The following MEGF11 variants were observed in gnomAD, a reference collection of about 807,000 sequenced individuals.
The protein encoded by MEGF11 is multiple EGF like domains 11.
A neutral mutation model predicts 146.6 loss-of-function variants in MEGF11; 126 were observed. That is an observed-to-expected ratio of 0.86 (90% confidence interval 0.74 to 1.00). The LOEUF (loss-of-function observed/expected upper bound fraction) is 1.00, where lower values mean the gene tolerates loss of function less well. Among genes scored for constraint, MEGF11 ranks in the 50% least tolerant of loss-of-function variants. The pLI is 0.00. For synonymous variants in MEGF11, 532 were observed against 583.4 expected, an observed-to-expected ratio of 0.91 and a Z score of 1.27; for missense variants, 1,509 against 1,521.2, an observed-to-expected ratio of 0.99 and a Z score of 0.13.
intron 9 of MEGF11, among the ~76,000 whole-genome samples, chr15:65,962,786 G>T (rs1938225864): frequency 6.6e-6 from 1 of 152,150 alleles, no homozygotes; most frequent in African/African-American, 2.4e-5. Context: ...GTGCCCTCAA[G>T]GAGGTGGTGA....
At chr15:65,949,064 G>A (rs928012930) in intron 10 of MEGF11, among the ~76,000 whole-genome samples, 56 of 90,030 alleles carry the variant, frequency 6.2e-4, no homozygotes, top group Non-Finnish European at 1.3e-3. Flanking sequence ...GCTTGATGAA[G>A]AATGAAACAA....
intron 4 of MEGF11, among the ~76,000 whole-genome samples, chr15:66,106,981 G>T (rs1310324004): frequency 2.0e-5 from 3 of 152,030 alleles, no homozygotes; most frequent in African/African-American, 7.3e-5. Context: ...GCCACACAGG[G>T]GACCTCCAGG....
intron 5 of MEGF11, among the ~76,000 whole-genome samples, chr15:66,055,231 G>A (rs746680315): frequency 4.6e-5 from 7 of 152,130 alleles, no homozygotes; most frequent in Non-Finnish European, 1.0e-4. Flanking sequence ...ATTATTTTAC[G>A]AGATGTAATG....
intron 1 of MEGF11, among the ~76,000 whole-genome samples, chr15:66,243,054 C>T (rs551203733): frequency 6.6e-6 from 1 of 152,312 alleles, no homozygotes; most frequent in South Asian, 2.1e-4. Flanking sequence ...TACACACACA[C>T]ACTCAAAAAG....
At chr15:66,033,111 A>G (rs1171142029) in intron 5 of MEGF11, among the ~76,000 whole-genome samples, 8 of 149,540 alleles carry the variant, frequency 5.3e-5, no homozygotes, top group Non-Finnish European at 5.9e-5. Flanking sequence ...AAAAAGAAGC[A>G]GAGAAGAAAT....
At chr15:66,164,043 G>A (rs945369155) in intron 1 of MEGF11, among the ~76,000 whole-genome samples, 2 of 152,138 alleles carry the variant, frequency 1.3e-5, no homozygotes, top group African/African-American at 4.8e-5. Context: ...GTGTTGAGTG[G>A]GCAGATGAGA....
At chr15:66,007,918 C>T (rs2082569623) in intron 5 of MEGF11, among the ~76,000 whole-genome samples, 1 of 152,186 alleles carries the variant, frequency 6.6e-6, no homozygotes, top group African/African-American at 2.4e-5. Flanking sequence ...AAAGAAGCAT[C>T]AATATAAACA....
intron 1 of MEGF11, among the ~76,000 whole-genome samples, chr15:66,213,710 C>A (rs541466218): frequency 6.6e-6 from 1 of 151,878 alleles, no homozygotes; most frequent in Non-Finnish European, 1.5e-5. Flanking sequence ...AGCCACCACA[C>A]CCAGCCTTAA....
At chr15:66,194,860 C>A (rs900477580) in intron 1 of MEGF11, among the ~76,000 whole-genome samples, 2 of 152,054 alleles carry the variant, frequency 1.3e-5, no homozygotes, top group African/African-American at 4.8e-5. Flanking sequence ...AATGTAGTTT[C>A]TAAAAAAAAT....
intron 1 of MEGF11, among the ~76,000 whole-genome samples, chr15:66,147,509 C>T (rs1481018928): frequency 1.3e-5 from 2 of 152,234 alleles, no homozygotes; most frequent in Non-Finnish European, 2.9e-5. Flanking sequence ...AAGGCCATTG[C>T]CACGGTTGCT....
chr15:65,957,193 C>T (rs1404924255), intron 10 of MEGF11, among the ~76,000 whole-genome samples: 2 of 152,192 alleles, frequency 1.3e-5, no homozygotes, highest in African/African-American at 2.4e-5. Context: ...TAAGCAGCAA[C>T]ATAGCAATGT....
intron 10 of MEGF11, among the ~76,000 whole-genome samples, chr15:65,937,610 G>A (rs755665581): frequency 1.3e-5 from 2 of 152,206 alleles, no homozygotes; most frequent in African/African-American, 2.4e-5. Flanking sequence ...GTCACTCTGG[G>A]CTGGTGTCCA....
chr15:66,141,287 TGTGAGA>T (rs1434565760), intron 1 of MEGF11, among the ~76,000 whole-genome samples: 8 of 98,900 alleles, frequency 8.1e-5, no homozygotes, highest in African/African-American at 2.4e-4. Flanking sequence ...TGTGTGTGTG[TGTGAGA>T]GAGAGAGAGA....
chr15:66,023,254 G>T (rs2083223149), intron 5 of MEGF11, among the ~76,000 whole-genome samples: 1 of 152,194 alleles, frequency 6.6e-6, no homozygotes, highest in Non-Finnish European at 1.5e-5. Flanking sequence ...AGTAGCAGCT[G>T]CTTCTTGCTC....
chr15:66,219,118 C>A (rs554269693), intron 1 of MEGF11, among the ~76,000 whole-genome samples: 1 of 151,570 alleles, frequency 6.6e-6, no homozygotes, highest in South Asian at 2.1e-4. Flanking sequence ...ACATGTAAAA[C>A]CTTCTAGAAG....
intron 3 of MEGF11, among the ~76,000 whole-genome samples, chr15:66,122,129 G>A (rs953883317): frequency 3.3e-5 from 5 of 152,108 alleles, no homozygotes; most frequent in Admixed American, 2.6e-4. Flanking sequence ...AGGGTGTGGT[G>A]GTGGGTGCCT....
Position 66,214,030 on chromosome 15 carries a change from C to CTT in MEGF11, c.-9+39573_-9+39574dup, listed in dbSNP as rs11303068. On this transcript the variant is annotated intron_variant, in intron 1 of 25. Transcript: ENST00000395614. The stretch of plus-strand genomic sequence containing the variant: ...AGATATGCCCAAAATGAGCCGGCCA[C>CTT]TTTTTTTTTTTTTTTTTTTTTTGAG... Among the ~76,000 whole-genome samples the CTT allele has an allele frequency of 2.1e-3, 193 of 92,314 alleles. 2 individuals carry two copies. The highest frequency in any genetic ancestry group is 0.019 in the East Asian group (64 of 3,452). The allele number at this position is 92,314 out of a possible 152,430, so 60.6% of individuals were successfully genotyped here.
intron 21 of MEGF11, among the ~76,000 whole-genome samples, chr15:65,911,111 C>T (rs1239972486): frequency 6.6e-6 from 1 of 152,190 alleles, no homozygotes; most frequent in Non-Finnish European, 1.5e-5. Context: ...ATCTTGCCAA[C>T]AGCCAGGGTT....
chr15:66,031,252 G>A (rs1302584657), intron 5 of MEGF11, among the ~76,000 whole-genome samples: 1 of 152,182 alleles, frequency 6.6e-6, no homozygotes, highest in Non-Finnish European at 1.5e-5. Flanking sequence ...ATATGCCCCA[G>A]TGCGTGTTCC....
Sources: gnomAD v4.1 joint callset for allele counts (sites outside exome capture counted in the v4.1 genomes callset) on GRCh38, gnomAD v4.1.1 for gene constraint, MANE v1.5 for transcripts, NCBI Gene and HGNC (gene_info 2026-07-23, HGNC 2026-07-21) for gene names.